The following GALK2 variants were observed in gnomAD, a reference collection of about 807,000 sequenced individuals.
The protein encoded by GALK2 is galactokinase 2.
A neutral mutation model predicts 52.4 loss-of-function variants in GALK2; 36 were observed. The ratio of observed to expected loss-of-function variants is 0.69; its 90% CI spans 0.53 to 0.91. GALK2 has a LOEUF of 0.91. Ranked by LOEUF, GALK2 falls within the 40% of genes least tolerant of loss-of-function variation. The probability of loss-of-function intolerance (pLI) is 0.00; values close to 1 mark genes in which losing one functional copy is unlikely to be tolerated. For synonymous variants in GALK2, 176 were observed against 199.1 expected (o/e 0.88, Z 0.98); for missense variants, 579 against 559.1 (o/e 1.04, Z -0.36).
At chr15:49,251,730 A>G (rs2091610969) in intron 5 of GALK2, among the ~76,000 whole-genome samples, 1 of 152,130 alleles carries the variant, frequency 6.6e-6, no homozygotes. Flanking sequence ...CTTAACCTTG[A>G]TGGTGGTTAC....
At chr15:49,266,861 G>A (rs772895876) in intron 5 of GALK2, among the ~76,000 whole-genome samples, 5 of 152,136 alleles carry the variant, frequency 3.3e-5, no homozygotes, top group Non-Finnish European at 5.9e-5. Flanking sequence ...AAAGAGTTCA[G>A]TGTCCCCAGA....
chr15:49,259,401 C>T (rs1162458729), intron 5 of GALK2, among the ~76,000 whole-genome samples: 5 of 139,466 alleles, frequency 3.6e-5, no homozygotes, highest in African/African-American at 1.3e-4. Context: ...CATGTGTTCT[C>T]ATTGTTCAGT....
At chr15:49,311,656 G>C (rs1351524899) in intron 8 of GALK2, among the ~76,000 whole-genome samples, 1 of 152,124 alleles carries the variant, frequency 6.6e-6, no homozygotes, top group African/African-American at 2.4e-5. Context: ...AATGATTACT[G>C]TGCTATATCC....
At chr15:49,236,034 T>C (rs952918584) in intron 4 of GALK2, 93 bp downstream of exon 4, 1 of 798,640 alleles carries the variant, frequency 1.3e-6, no homozygotes. Flanking sequence ...TTCATCTCCT[T>C]ACAGTACTAA....
intron 3 of GALK2, among the ~76,000 whole-genome samples, chr15:49,349,733 C>T (rs1412901188): frequency 3.3e-5 from 5 of 152,126 alleles, no homozygotes; most frequent in Non-Finnish European, 4.4e-5. Flanking sequence ...TAGTCATTGA[C>T]CTCTACTGAC....
intron 8 of GALK2, among the ~76,000 whole-genome samples, chr15:49,303,800 C>A (rs1337627988): frequency 6.6e-6 from 1 of 152,184 alleles, no homozygotes; most frequent in Non-Finnish European, 1.5e-5. Context: ...TTCTTTGGCT[C>A]TAGCCTTGCT....
intron 1 of GALK2, among the ~76,000 whole-genome samples, chr15:49,188,139 T>G (rs2086488417): frequency 2.6e-5 from 4 of 152,220 alleles, no homozygotes; most frequent in Admixed American, 2.6e-4. Context: ...CTCCCAGGAC[T>G]AGTTCTTTCT....
intron 5 of GALK2, among the ~76,000 whole-genome samples, chr15:49,265,652 C>A (rs751706288): frequency 1.3e-5 from 2 of 152,240 alleles, no homozygotes; most frequent in African/African-American, 2.4e-5. Flanking sequence ...AGAAATCACC[C>A]GTCTTCTGCG....
chr15:49,359,885 T>G, intron 3 of GALK2, among the ~76,000 whole-genome samples: 1 of 146,594 alleles, frequency 6.8e-6, no homozygotes, highest in East Asian at 2.0e-4. Context: ...GTGGCACATA[T>G]ACACCATGGA....
At chr15:49,278,950 G>A (rs1193376018) in intron 5 of GALK2, among the ~76,000 whole-genome samples, 1 of 152,208 alleles carries the variant, frequency 6.6e-6, no homozygotes, top group Non-Finnish European at 1.5e-5. Context: ...TTCACAGGGC[G>A]GCAGGGCGGA....
chr15:49,285,388 G>A (rs2033232037), intron 7 of GALK2, among the ~76,000 whole-genome samples: 1 of 152,148 alleles, frequency 6.6e-6, no homozygotes, highest in South Asian at 2.1e-4. Context: ...CAGGGATGAA[G>A]GGATGGCAGG....
chr15:49,351,894 C>G (rs1192521615), intron 3 of GALK2, among the ~76,000 whole-genome samples: 3 of 152,142 alleles, frequency 2.0e-5, no homozygotes, highest in African/African-American at 7.2e-5. Context: ...TTGTCTATTG[C>G]TATATAACAA....
At chr15:49,313,942 T>A (rs2036204851) in intron 8 of GALK2, among the ~76,000 whole-genome samples, 1 of 152,198 alleles carries the variant, frequency 6.6e-6, no homozygotes, top group African/African-American at 2.4e-5. Context: ...CATGCATAGG[T>A]TAAATTTAAA....
At chr15:49,315,332 C>T (rs140564966) in intron 8 of GALK2, among the ~76,000 whole-genome samples, 1 of 152,298 alleles carries the variant, frequency 6.6e-6, no homozygotes, top group African/African-American at 2.4e-5. Flanking sequence ...TTCTTTCATC[C>T]TTTAATGTAA....
chr15:49,202,570 A>T (rs2087876318), intron 2 of GALK2, among the ~76,000 whole-genome samples: 1 of 152,168 alleles, frequency 6.6e-6, no homozygotes, highest in South Asian at 2.1e-4. Context: ...TCCATTGCAC[A>T]CATACACCAC....
intron 5 of GALK2, among the ~76,000 whole-genome samples, chr15:49,281,766 G>T (rs148415782): frequency 5.3e-5 from 8 of 152,230 alleles, no homozygotes; most frequent in Admixed American, 2.0e-4. Context: ...TAGTGTGCAC[G>T]GTCAATATCT....
intron 3 of GALK2, among the ~76,000 whole-genome samples, chr15:49,337,838 T>C (rs998637013): frequency 6.6e-6 from 1 of 151,968 alleles, no homozygotes; most frequent in African/African-American, 2.4e-5. Context: ...GTCCCTGCAA[T>C]GTTTTTTATG....
At chr15:49,295,708 C>G (rs991775823) in intron 8 of GALK2, among the ~76,000 whole-genome samples, 1 of 152,186 alleles carries the variant, frequency 6.6e-6, no homozygotes, top group Non-Finnish European at 1.5e-5. Flanking sequence ...TAATTGGAAG[C>G]TTGGTCTTCC....
chr15:49,295,925 G>T (rs1360096755), intron 8 of GALK2, among the ~76,000 whole-genome samples: 1 of 151,182 alleles, frequency 6.6e-6, no homozygotes, highest in East Asian at 1.9e-4. Flanking sequence ...GATTTTTTTT[G>T]AATAAGTAAA....
Sources: allele counts gnomAD v4.1 joint callset (sites outside exome capture counted in the v4.1 genomes callset), GRCh38; gene constraint gnomAD v4.1.1; transcripts MANE v1.5; gene names NCBI Gene and HGNC (gene_info 2026-07-23, HGNC 2026-07-21).